Variants in ARHGAP4 observed in about 807,000 individuals in gnomAD.
The protein encoded by ARHGAP4 is rho GTPase-activating protein 4.
In ARHGAP4, 25 loss-of-function variants were observed where a neutral mutation model predicts 67.6. The observed-to-expected ratio is 0.37, with a 90% CI of 0.27 to 0.52. The LOEUF is 0.52. Ranked by LOEUF, ARHGAP4 falls within the 20% of genes least tolerant of loss-of-function variation. ARHGAP4 has a pLI of 0.92. For missense variants in ARHGAP4, 804 were observed against 854.6 expected, an observed-to-expected ratio of 0.94 and a Z score of 0.74; for synonymous variants, 448 against 373.7, an observed-to-expected ratio of 1.20 and a Z score of -2.29.
intron 5 of ARHGAP4, chrX:153,920,308 G>A (rs896445157): frequency 6.8e-6 from 2 of 294,405 alleles, no homozygotes; most frequent in East Asian, 5.9e-5. Context: ...TTCTCCGTGC[G>A]TGTCACCCCA....
At chrX:153,914,269 G>T in intron 7 of ARHGAP4, 1 of 208,882 alleles carries the variant, frequency 4.8e-6, no homozygotes, top group Non-Finnish European at 8.8e-6. Flanking sequence ...GGAGAACGGG[G>T]AGTAGTGGCT....
chrX:153,910,894 C>A, intron 14 of ARHGAP4, 28 bp downstream of exon 14: 1 of 1,131,050 alleles, frequency 8.8e-7, no homozygotes, highest in Non-Finnish European at 1.2e-6. Flanking sequence ...CCCGAGCCCC[C>A]ACCCCCGCCC....
At position 153,910,208 on chromosome X, in the gene ARHGAP4, C is replaced by T. The variant is rs1299186638; in HGVS notation, c.2119G>A (p.Glu707Lys). ...PLTSLPGPVY[E>K]KCMAPPSASC... ...GCGGAAGGCGGTGCCATGCACTTCT[C>T]GTAGACGGGGCCAGGCAGCGAGGTC... The change falls in exon 17 of 22, where the codon GAG (glutamate) becomes AAG (lysine). Residue 707 changes from glutamate to lysine, a missense_variant. Coordinates refer to ENST00000350060, the MANE Select transcript of ARHGAP4 (RefSeq NM_001666.5). 1.7e-6 allele frequency: 2 copies of T among 1,209,870 alleles called. No homozygotes were observed. Among genetic ancestry groups the T allele is most frequent in the Non-Finnish European group, 2.2e-6 (2 of 895,177 alleles).
In ARHGAP4 at chrX:153,911,934, G is replaced by A. The variant is rs868977362; in HGVS notation, c.1543-745C>T. Among the ~76,000 whole-genome samples, 463 of 105,726 alleles carry A rather than the reference G, an allele frequency of 4.4e-3. 3 individuals carry two copies. The highest frequency in any genetic ancestry group is 0.015 in the African/African-American group (429 of 29,320). The allele number at this position is 105,726 out of a possible 115,157, so 91.8% of individuals were successfully genotyped here. ...CAACAAATAAAAAAAAAAAAAAAAA[G>A]AAAGAAACTCAAAGTGCTCGTTTAA... On this transcript the variant is annotated intron_variant, in intron 12 of 21. Coordinates refer to ENST00000350060, the MANE Select transcript of ARHGAP4 (RefSeq NM_001666.5).
At position 153,913,721 on chromosome X, in the gene ARHGAP4, A is replaced by G. The variant is rs1365274306; in HGVS notation, c.1134+57T>C. On this transcript the variant is annotated intron_variant, in intron 8 of 21. Coordinates refer to ENST00000350060, the MANE Select transcript of ARHGAP4 (RefSeq NM_001666.5). ...AGGCAGGGCAGCCACTTCCAACAGC[A>G]GGCTGTACAGGCTCCAGGCCCTCGT... is the stretch of plus-strand genomic sequence containing the variant. 3.4e-6 allele frequency: 4 copies of G among 1,170,252 alleles called. No individual in the cohort carries two copies. The African/African-American group carries it at 7.1e-5, about 21-fold the overall frequency.
chrX:153,917,085 G>A (rs1179383078), intron 7 of ARHGAP4, among the ~76,000 whole-genome samples: 3 of 111,236 alleles, frequency 2.7e-5, no homozygotes, highest in African/African-American at 6.6e-5. Flanking sequence ...GCGTGGTGGC[G>A]GGCACCTGTA....
In ARHGAP4 at chrX:153,918,940, A is replaced by G. The variant is rs1557104656; in HGVS notation, c.924T>C (p.Ala308=). 1 of 1,211,998 alleles carries G rather than the reference A, an allele frequency of 8.3e-7. No homozygotes were observed. Among genetic ancestry groups the G allele is most frequent in the South Asian group, 1.8e-5 (1 of 56,987 alleles). Residue 308 remains alanine, a synonymous_variant, in exon 7 of 22, where the codon GCT becomes GCC. Transcript: ENST00000350060. ...CCCCTGGAGGATCCAGGGCCTCCAC[A>G]GCTTCTTCCAGGCTGCCCAGGCCCT... The part of the protein sequence containing the change: ...QVQGLGSLEE[A]VEALDPPGDK...
rs782376157 is a variant in ARHGAP4 at position 153,907,773 on chromosome X, C to A, written c.2797G>T (p.Ala933Ser). Residue 933 changes from alanine to serine, a missense_variant, in exon 22 of 22, where the codon GCT becomes TCT. Physicochemically the swap from Ala to Ser is moderately conservative, Grantham distance 99. This residue lies in a region of ARHGAP4 where 400 missense variants were observed against 348.7 expected (regional missense o/e 1.15). Transcript: ENST00000350060. ...GTGTCTAGGCCCTGGGGGTGGGAAG[C>A]TGAGGGTGAGGCTGGGGCCCCAGGG... ...RGPGAPASPS[A>S]SHPQGLDTTP... 1 of 1,011,363 alleles carries A rather than the reference C, an allele frequency of 9.9e-7. No individual in the cohort carries two copies. Among genetic ancestry groups the A allele is most frequent in the Non-Finnish European group, 1.3e-6 (1 of 789,151 alleles). The allele number at this position is 1,011,363 out of a possible 1,213,427, so 83.3% of individuals were successfully genotyped here. A position where few individuals can be genotyped will look rare whatever the true frequency, so the allele number is the denominator to read the frequency against.
Position 153,918,908 on chromosome X carries a change from G to C in ARHGAP4, c.956C>G (p.Ala319Gly). 1 of 1,212,214 alleles carries C rather than the reference G, an allele frequency of 8.2e-7. No individual in the cohort carries two copies. The highest frequency in any genetic ancestry group is 1.1e-6 in the Non-Finnish European group (1 of 895,583). ...VEALDPPGDK[A>G]KVLEVHATVF... is the part of the protein sequence containing the mutation. ...GGTAGCATGCACCTCGAGAACCTTG[G>C]CTTTGTCCCCTGGAGGATCCAGGGC... Residue 319 changes from alanine (A) to glycine (G), a missense_variant, in exon 7 of 22, where the codon GCC becomes GGC. Ala to Gly is a moderately conservative substitution (Grantham distance 60). Transcript: ENST00000350060.
At position 153,918,922 on chromosome X, in the gene ARHGAP4, A is replaced by T. The variant is rs781790365; in HGVS notation, c.942T>A (p.Pro314=). Residue 314 remains proline (P), a synonymous_variant, in exon 7 of 22, where the codon CCT becomes CCA. Transcript: ENST00000350060. ...SLEEAVEALD[P]PGDKAKVLEV... is the part of the protein sequence containing the mutation. ...CGAGAACCTTGGCTTTGTCCCCTGGAGGATCCAGGGCCTCCACAGCTTCTT... is the reference window on the plus strand; with the variant it reads ...CGAGAACCTTGGCTTTGTCCCCTGGTGGATCCAGGGCCTCCACAGCTTCTT... 4 of 1,210,742 alleles carry T rather than the reference A, an allele frequency of 3.3e-6. No homozygotes were observed. In the African/African-American group the frequency reaches 7.0e-5, roughly 21 times the overall value.
Position 153,919,254 on chromosome X carries a change from G to C in ARHGAP4, c.711C>G (p.Leu237=), listed in dbSNP as rs1557104732. ...KRQAKFMEHK[L]KCTKARNEYL... is the part of the protein sequence containing the mutation. ...ACTCGTTGCGCGCCTTTGTGCACTTGAGTTTGTGCTCCATGAACTTGGCCT... is the reference window on the plus strand; with the variant it reads ...ACTCGTTGCGCGCCTTTGTGCACTTCAGTTTGTGCTCCATGAACTTGGCCT... The change falls in exon 6 of 22, where the codon CTC becomes CTG. Residue 237 remains leucine (L), a synonymous_variant. Coordinates refer to ENST00000350060, the MANE Select transcript of ARHGAP4 (RefSeq NM_001666.5). 1.6e-5 allele frequency: 19 copies of C among 1,212,265 alleles called. No individual in the cohort carries two copies. The highest frequency in any genetic ancestry group is 1.8e-5 in the Non-Finnish European group (16 of 895,625).
In ARHGAP4 at chrX:153,913,892, G is replaced by A. The variant is rs2065038373; in HGVS notation, c.1033-13C>T. The A allele has an allele frequency of 2.5e-6, 3 of 1,201,220 alleles. No homozygotes were observed. The highest frequency in any genetic ancestry group is 3.4e-6 in the Non-Finnish European group (3 of 886,409). ...AGATCTCAGCCACCTGCAGAGGGCG[G>A]CGGCCAGGGGGCTAAGGGCTGGGCT... On this transcript the variant is annotated splice_polypyrimidine_tract_variant and intron_variant, in intron 7 of 21. Coordinates refer to ENST00000350060, the MANE Select transcript of ARHGAP4 (RefSeq NM_001666.5).
chrX:153,914,892 A>T (rs782792141), intron 7 of ARHGAP4, among the ~76,000 whole-genome samples: 37 of 111,990 alleles, frequency 3.3e-4, no homozygotes, highest in African/African-American at 1.1e-3. Flanking sequence ...CGCTTTAGAA[A>T]GGAAGGAATT....
chrX:153,914,882 C>T (rs2065044760), intron 7 of ARHGAP4, among the ~76,000 whole-genome samples: 1 of 111,555 alleles, frequency 9.0e-6, no homozygotes, highest in African/African-American at 3.3e-5. Context: ...TGGGAGCCAA[C>T]GCTTTAGAAA....
rs782562629 is a variant in ARHGAP4 at position 153,919,669 on chromosome X, C to A, written c.682-386G>T. On this transcript the variant is annotated intron_variant, in intron 5 of 21. Transcript: ENST00000350060. The stretch of plus-strand genomic sequence containing the variant: ...GTGCACAGCTGGAAGCGGCCACAGG[C>A]CTCTGCGGGGGCCAGAGCTGAGGGG... The A allele has an allele frequency of 1.4e-4, 159 of 1,162,451 alleles. No homozygotes were observed. The highest frequency in any genetic ancestry group is 1.7e-4 in the Non-Finnish European group (147 of 870,614).
intron 12 of ARHGAP4, among the ~76,000 whole-genome samples, chrX:153,912,018 A>G (rs181722597): frequency 2.6e-4 from 29 of 111,908 alleles, no homozygotes; most frequent in Non-Finnish European, 4.1e-4. Context: ...GAAAATGACG[A>G]TATCAGTTCT....
chrX:153,910,080 G>A lies in ARHGAP4; in HGVS notation c.2162C>T (p.Ala721Val), dbSNP rs782812170. 4.1e-6 allele frequency: 5 copies of A among 1,211,383 alleles called. No individual in the cohort carries two copies. The highest frequency in any genetic ancestry group is 3.5e-5 in the South Asian group (2 of 56,976). ...GTCCGCCCCCAGGCTCTCCAGCTGG[G>A]CGTCCCTGAGGTTCAGGGCAGAGCG... ...APPSASCLGDAQLESLGADNE... is the reference protein window; with the variant it reads ...APPSASCLGDVQLESLGADNE... Residue 721 changes from alanine (A) to valine (V), a missense_variant, in exon 18 of 22, where the codon GCC becomes GTC. Transcript: ENST00000350060.
At chrX:153,915,350 G>A (rs1293179869) in intron 7 of ARHGAP4, among the ~76,000 whole-genome samples, 1 of 112,076 alleles carries the variant, frequency 8.9e-6, no homozygotes, top group Non-Finnish European at 1.9e-5. Flanking sequence ...CCCCTGGGCC[G>A]CACACTTACA....
chrX:153,910,310 G>C lies in ARHGAP4; in HGVS notation c.2017C>G (p.Pro673Ala). The change falls in exon 17 of 22, where the codon CCG (proline) becomes GCG (alanine). Residue 673 changes from proline (P) to alanine (A), a missense_variant. Coordinates refer to ENST00000350060, the MANE Select transcript of ARHGAP4 (RefSeq NM_001666.5). ...TLLPVPAGQD[P>A]VALQGRVNQL... Reference sequence around the variant, plus strand: ...TTCACCCGGCCCTGCAGCGCCACCGGGTCCTGCCCAGCGGGCACCGGTAGC... The same window carrying C: ...TTCACCCGGCCCTGCAGCGCCACCGCGTCCTGCCCAGCGGGCACCGGTAGC... The C allele has an allele frequency of 8.3e-7, 1 of 1,209,775 alleles. No homozygotes were observed. The highest frequency in any genetic ancestry group is 1.8e-5 in the South Asian group (1 of 56,827).
Sources: gnomAD v4.1 joint callset for allele counts (sites outside exome capture counted in the v4.1 genomes callset) on GRCh38, gnomAD v4.1.1 for gene constraint, gnomAD v4.1.1 regional missense constraint, MANE v1.5 for transcripts, NCBI Gene and HGNC (gene_info 2026-07-23, HGNC 2026-07-21) for gene names.